Variants in AGBL3 observed in about 807,000 individuals in gnomAD.
The protein encoded by AGBL3 is cytosolic carboxypeptidase 3.
In AGBL3, 68 loss-of-function variants were observed where a neutral mutation model predicts 94.5. The observed-to-expected ratio is 0.72, with a 90% confidence interval of 0.59 to 0.88. The LOEUF is 0.88. Ranked by LOEUF, AGBL3 falls within the 40% of genes least tolerant of loss-of-function variation. AGBL3 has a pLI of 0.00. For missense variants in AGBL3, 934 were observed against 1,103.8 expected, an observed-to-expected ratio of 0.85 and a Z score of 2.18; for synonymous variants, 354 against 370.7, an observed-to-expected ratio of 0.95 and a Z score of 0.52.
chr7:134,994,530 C>A (rs1810730385), intron 4 of AGBL3, among the ~76,000 whole-genome samples: 1 of 152,106 alleles, frequency 6.6e-6, no homozygotes, highest in African/African-American at 2.4e-5. Flanking sequence ...CATGACTTTC[C>A]ACCTTTTGTT....
chr7:135,103,526 T>G (rs767687021), intron 15 of AGBL3, among the ~76,000 whole-genome samples: 2 of 152,210 alleles, frequency 1.3e-5, no homozygotes, highest in Non-Finnish European at 1.5e-5. Context: ...ACAGGAGTTT[T>G]ATCTGATCCG....
chr7:135,115,619 A>C lies in AGBL3; in HGVS notation c.2342+8A>C. 1 of 1,524,558 alleles carries C rather than the reference A, an allele frequency of 6.6e-7. No individual in the cohort carries two copies. Among genetic ancestry groups the C allele is most frequent in the Non-Finnish European group, 8.9e-7 (1 of 1,124,772 alleles). 94.4% of individuals were successfully genotyped at this position (1,524,558 alleles called of 1,614,324 possible). ...CTTCCAAATCCAACATCAGTAAGTCAATACAATTTTATCACTCTTATCTAT... is the reference window on the plus strand; with the variant it reads ...CTTCCAAATCCAACATCAGTAAGTCCATACAATTTTATCACTCTTATCTAT... On this transcript the variant is annotated splice_region_variant and intron_variant, in intron 16 of 16. Transcript: ENST00000436302.
intron 14 of AGBL3, 108 bp downstream of exon 14, chr7:135,080,368 T>A: frequency 2.5e-6 from 2 of 787,180 alleles, no homozygotes; most frequent in Non-Finnish European, 2.1e-6. Context: ...CTAGGGATAT[T>A]AAATGTATAT....
chr7:135,019,974 G>C (rs1383675313), intron 5 of AGBL3, among the ~76,000 whole-genome samples: 1 of 152,134 alleles, frequency 6.6e-6, no homozygotes, highest in Non-Finnish European at 1.5e-5. Flanking sequence ...AGAAAACCTA[G>C]GCAATACCAT....
At chr7:135,073,413 G>A (rs1345715111) in intron 12 of AGBL3, among the ~76,000 whole-genome samples, 1 of 152,102 alleles carries the variant, frequency 6.6e-6, no homozygotes, top group Non-Finnish European at 1.5e-5. Flanking sequence ...GCAGGTTGCA[G>A]TGAGTTGAGA....
chr7:134,993,447 A>ATTT (rs757436576), intron 3 of AGBL3, 46 bp from the exon 4 acceptor site: 1 of 1,449,246 alleles, frequency 6.9e-7, no homozygotes, highest in South Asian at 1.5e-5. Flanking sequence ...AGGAGTTGGT[A>ATTT]TTTTTCTTCT....
intron 4 of AGBL3, among the ~76,000 whole-genome samples, chr7:134,996,434 C>T (rs189620494): frequency 2.0e-5 from 3 of 152,242 alleles, no homozygotes; most frequent in South Asian, 2.1e-4. Context: ...GTAAACAGCA[C>T]ATCATTAATC....
chr7:135,098,174 A>T (rs946302334), intron 15 of AGBL3, among the ~76,000 whole-genome samples: 2 of 152,170 alleles, frequency 1.3e-5, no homozygotes, highest in Non-Finnish European at 2.9e-5. Context: ...TACAAGTCTA[A>T]ATACCTGCCG....
intron 4 of AGBL3, among the ~76,000 whole-genome samples, chr7:134,997,653 A>G (rs1584768100): frequency 6.6e-6 from 1 of 152,336 alleles, no homozygotes; most frequent in East Asian, 1.9e-4. Flanking sequence ...ATCAATTGTT[A>G]GCATAAACTA....
chr7:135,085,371 T>C (rs1821256332), intron 15 of AGBL3, among the ~76,000 whole-genome samples: 1 of 152,130 alleles, frequency 6.6e-6, no homozygotes, highest in Non-Finnish European at 1.5e-5. Context: ...CATTTGCCTA[T>C]ATTTGCTTTA....
chr7:135,023,541 CAG>C (rs533928792), intron 5 of AGBL3, among the ~76,000 whole-genome samples: 10 of 152,126 alleles, frequency 6.6e-5, no homozygotes, highest in Non-Finnish European at 1.2e-4. Flanking sequence ...AGAGAGTAGG[CAG>C]AGACAGAGCT....
intron 15 of AGBL3, among the ~76,000 whole-genome samples, chr7:135,084,776 G>A (rs1219684494): frequency 6.6e-6 from 1 of 151,950 alleles, no homozygotes; most frequent in Admixed American, 6.6e-5. Context: ...CCATATCTTG[G>A]TTGTTGTGAA....
At chr7:135,058,976 C>CA (rs1165571956) in intron 11 of AGBL3, among the ~76,000 whole-genome samples, 193 bp from the exon 12 acceptor site, 1 of 152,140 alleles carries the variant, frequency 6.6e-6, no homozygotes, top group African/African-American at 2.4e-5. Flanking sequence ...AGGCTGGTCT[C>CA]AAACTCCTGA....
intron 13 of AGBL3, among the ~76,000 whole-genome samples, chr7:135,079,342 C>G (rs1227066141): frequency 6.6e-6 from 1 of 152,100 alleles, no homozygotes; most frequent in African/African-American, 2.4e-5. Context: ...TTGATTTTTA[C>G]AGTTTTCTCC....
In AGBL3 at chr7:135,099,381, T is replaced by C. The variant is rs567643748; in HGVS notation, c.2111-15999T>C. ...TATGCATATATTTTGTGTGTCTGAA[T>C]GAAACAATGGTAGGTTAATTGAAGA... is the stretch of plus-strand genomic sequence containing the variant. On this transcript the variant is annotated intron_variant, in intron 15 of 16. Transcript: ENST00000436302. Among the ~76,000 whole-genome samples the C allele has an allele frequency of 6.6e-5, 10 of 152,292 alleles. No individual in the cohort carries two copies. In the South Asian group the frequency reaches 2.1e-3, roughly 32 times the overall value.
intron 8 of AGBL3, among the ~76,000 whole-genome samples, chr7:135,038,850 T>C (rs375694795): frequency 6.6e-6 from 1 of 151,994 alleles, no homozygotes; most frequent in African/African-American, 2.4e-5. Context: ...TCCCAGCTAC[T>C]CAGGAGGCTG....
At chr7:135,043,913 T>C in intron 8 of AGBL3, 112 bp from the exon 9 acceptor site, 1 of 1,345,664 alleles carries the variant, frequency 7.4e-7, no homozygotes, top group Non-Finnish European at 9.8e-7. Flanking sequence ...CTCCTGAAGC[T>C]TTAGTGAGAA....
intron 4 of AGBL3, chr7:134,995,248 A>C (rs1011619906): frequency 3.9e-5 from 6 of 152,198 alleles, no homozygotes; most frequent in Non-Finnish European, 5.9e-5. Context: ...AGAGACCCAA[A>C]AGGAAGAGGA....
chr7:135,082,433 A>G (rs1182013276), intron 15 of AGBL3, among the ~76,000 whole-genome samples: 1 of 151,908 alleles, frequency 6.6e-6, no homozygotes, highest in Non-Finnish European at 1.5e-5. Flanking sequence ...ATTTTATTTT[A>G]CTCTTTTTTA....
Sources: gnomAD v4.1 joint callset for allele counts (sites outside exome capture counted in the v4.1 genomes callset) on GRCh38, gnomAD v4.1.1 for gene constraint, MANE v1.5 for transcripts, NCBI Gene and HGNC (gene_info 2026-07-23, HGNC 2026-07-21) for gene names.